The following BBIP1 variants were observed in gnomAD, a reference collection of about 807,000 sequenced individuals.
BBIP1 encodes the protein BBSome interacting protein 1, also known as BBSome-interacting protein 1.
Under a neutral mutation model 8.9 loss-of-function variants are expected in BBIP1, and 6 were observed. That is an observed-to-expected ratio of 0.67 (90% CI 0.37 to 1.33). The LOEUF is 1.33. Ranked by LOEUF, BBIP1 falls within the 40% of genes most tolerant of loss-of-function variation. The pLI, the probability that BBIP1 is intolerant of heterozygous loss-of-function variation, is 0.02. For missense variants in BBIP1, 111 were observed against 109.2 expected (o/e 1.02, Z -0.07); for synonymous variants, 32 against 33.4 (o/e 0.96, Z 0.14).
intron 3 of BBIP1, 46 bp from the exon 4 acceptor site, chr10:110,900,572 G>T: frequency 7.1e-7 from 1 of 1,402,448 alleles, no homozygotes; most frequent in Non-Finnish European, 9.4e-7. Context: ...AGATAACCCA[G>T]TTGTTTGTAG....
intron 2 of BBIP1, chr10:110,912,149 TTTTC>T (rs1339693859): frequency 6.7e-6 from 1 of 148,256 alleles, no homozygotes; most frequent in African/African-American, 2.6e-5. Flanking sequence ...GTAGCTTTTC[TTTTC>T]TTTTCTTTTT....
intron 2 of BBIP1, chr10:110,904,639 CTAAA>C (rs893300465): frequency 5.3e-5 from 8 of 152,126 alleles, no homozygotes; most frequent in African/African-American, 1.2e-4. Context: ...TCTACTAAAA[CTAAA>C]TATGCACAAT....
At chr10:110,915,768 A>T (rs1187661139) in intron 2 of BBIP1, among the ~76,000 whole-genome samples, 1 of 152,056 alleles carries the variant, frequency 6.6e-6, no homozygotes, top group Non-Finnish European at 1.5e-5. Context: ...CAGTGCTGCA[A>T]TCTCAGCTCA....
chr10:110,901,267 T>A (rs758074946), intron 3 of BBIP1: 13 of 430,750 alleles, frequency 3.0e-5, no homozygotes, highest in Non-Finnish European at 4.7e-5. Context: ...GGTGGCAGAG[T>A]GACAACCTGT....
intron 2 of BBIP1, 55 bp downstream of exon 2, chr10:110,918,066 G>A (rs1846468581): frequency 1.3e-5 from 18 of 1,437,068 alleles, no homozygotes; most frequent in Non-Finnish European, 1.7e-5. Flanking sequence ...AGTCGAGAAG[G>A]TAGGTTTGCA....
At position 110,918,217 on chromosome 10, in the gene BBIP1, C is replaced by T; in HGVS notation, c.-56-4G>A. The T allele has an allele frequency of 7.3e-7, 1 of 1,377,300 alleles. No homozygotes were observed. Among genetic ancestry groups the T allele is most frequent in the Non-Finnish European group, 1.0e-6 (1 of 1,003,466 alleles). The allele number at this position is 1,377,300 out of a possible 1,614,324, so 85.3% of individuals were successfully genotyped here. On this transcript the variant is annotated splice_region_variant and splice_polypyrimidine_tract_variant and intron_variant, in intron 1 of 3. Coordinates refer to ENST00000448814, the MANE Select transcript of BBIP1 (RefSeq NM_001195305.3). Reference sequence around the variant, plus strand: ...TGACTCAAGCATACAGAAGAAACTACAAGATAATGTATGATAACTTTGTAA... The same window carrying T: ...TGACTCAAGCATACAGAAGAAACTATAAGATAATGTATGATAACTTTGTAA...
chr10:110,904,512 A>G (rs1341023061), intron 2 of BBIP1: 1 of 152,228 alleles, frequency 6.6e-6, no homozygotes, highest in Non-Finnish European at 1.5e-5. Flanking sequence ...GTGCATGTGT[A>G]ATGTCTTTTT....
intron 2 of BBIP1, among the ~76,000 whole-genome samples, chr10:110,913,310 T>C (rs985108174): frequency 2.0e-5 from 3 of 152,228 alleles, no homozygotes; most frequent in Non-Finnish European, 4.4e-5. Flanking sequence ...GTATGACATT[T>C]ATTATTCCAG....
chr10:110,918,193 G>T lies in BBIP1; in HGVS notation c.-36C>A, dbSNP rs1297490912. Reference sequence around the variant, plus strand: ...ATTACCAAGATGACTTAGAGTTCTTGACTCAAGCATACAGAAGAAACTACA... The same window carrying T: ...ATTACCAAGATGACTTAGAGTTCTTTACTCAAGCATACAGAAGAAACTACA... On this transcript the variant is annotated 5_prime_UTR_variant, in exon 2 of 4. It introduces an in-frame stop codon into an upstream open reading frame of the 5' UTR. Coordinates refer to ENST00000448814, the MANE Select transcript of BBIP1 (RefSeq NM_001195305.3). 1 of 1,517,468 alleles carries T rather than the reference G, an allele frequency of 6.6e-7. No homozygotes were observed. The highest frequency in any genetic ancestry group is 2.0e-5 in the Admixed American group (1 of 50,960). 94.0% of individuals were successfully genotyped at this position (1,517,468 alleles called of 1,614,324 possible).
intron 2 of BBIP1, among the ~76,000 whole-genome samples, chr10:110,906,131 T>C (rs1292535090): frequency 6.6e-6 from 1 of 151,648 alleles, no homozygotes; most frequent in Non-Finnish European, 1.5e-5. Flanking sequence ...GCCTCCCGAG[T>C]AGCTGGGACT....
At chr10:110,908,732 G>C (rs1846201953) in intron 2 of BBIP1, among the ~76,000 whole-genome samples, 1 of 150,994 alleles carries the variant, frequency 6.6e-6, no homozygotes, top group Non-Finnish European at 1.5e-5. Context: ...AGTTTGTGCA[G>C]AGGCATGAAG....
rs549069926 is a variant in BBIP1 at position 110,898,981 on chromosome 10, G to A, written c.*1379C>T. On this transcript the variant is annotated 3_prime_UTR_variant, in exon 4 of 4. Coordinates refer to ENST00000448814, the MANE Select transcript of BBIP1 (RefSeq NM_001195305.3). ...GTTATCTGACCTAGAGCTTAATTAA[G>A]TTTTAGAAATATGTAATACCTTCCA... 7.2e-6 allele frequency: 1 copy of A among 138,408 alleles called. No individual in the cohort carries two copies. The highest frequency in any genetic ancestry group is 1.6e-5 in the Non-Finnish European group (1 of 62,158). The allele number at this position is 138,408 out of a possible 1,614,324, so 8.6% of individuals were successfully genotyped here.
chr10:110,905,493 C>T (rs998473801), intron 2 of BBIP1, among the ~76,000 whole-genome samples: 1 of 151,610 alleles, frequency 6.6e-6, no homozygotes, highest in African/African-American at 2.4e-5. Flanking sequence ...ACCTGGGAGG[C>T]GGAGCTTGCA....
intron 3 of BBIP1, 69 bp downstream of exon 3, chr10:110,901,469 A>G: frequency 1.8e-6 from 2 of 1,096,296 alleles, no homozygotes; most frequent in Admixed American, 2.0e-5. Flanking sequence ...TAAGCCTGCT[A>G]TGTGACACTG....
intron 2 of BBIP1, among the ~76,000 whole-genome samples, chr10:110,915,392 G>A (rs1469401046): frequency 6.6e-6 from 1 of 152,020 alleles, no homozygotes; most frequent in African/African-American, 2.4e-5. Context: ...GGGCTCAAGT[G>A]ATCTGCCCAC....
chr10:110,903,149 A>G (rs1258495466), intron 2 of BBIP1: 2 of 152,256 alleles, frequency 1.3e-5, no homozygotes, highest in South Asian at 2.1e-4. Flanking sequence ...CATAGGAGCT[A>G]AGGATTTTTA....
In BBIP1 at chr10:110,899,766, G is replaced by A. The variant is rs1232697157; in HGVS notation, c.*594C>T. The A allele has an allele frequency of 6.8e-6, 1 of 147,996 alleles. No homozygotes were observed. The highest frequency in any genetic ancestry group is 1.5e-5 in the Non-Finnish European group (1 of 67,568). 9.2% of individuals were successfully genotyped at this position (147,996 alleles called of 1,614,324 possible). Reference sequence around the variant, plus strand: ...GAGTCGAGATGGTGCCATTGCTCTCGTTTGGGCAACAAGAGTGAAACTCTT... The same window carrying A: ...GAGTCGAGATGGTGCCATTGCTCTCATTTGGGCAACAAGAGTGAAACTCTT... On this transcript the variant is annotated 3_prime_UTR_variant, in exon 4 of 4. Transcript: ENST00000448814.
chr10:110,910,868 T>C (rs1846259122), intron 2 of BBIP1: 1 of 152,278 alleles, frequency 6.6e-6, no homozygotes, highest in Non-Finnish European at 1.5e-5. Flanking sequence ...GAGTCAACTG[T>C]ACAGTAGTAC....
At chr10:110,904,587 CTGT>C (rs1045454072) in intron 2 of BBIP1, 6 of 152,296 alleles carry the variant, frequency 3.9e-5, no homozygotes, top group African/African-American at 1.2e-4. Context: ...GAAATTAGCA[CTGT>C]TGTTAAGCTT....
Sources: gnomAD v4.1 joint callset for allele counts (sites outside exome capture counted in the v4.1 genomes callset) on GRCh38, gnomAD v4.1.1 for gene constraint, MANE v1.5 for transcripts, NCBI Gene and HGNC (gene_info 2026-07-23, HGNC 2026-07-21) for gene names.